The following GFM1 variants were observed in gnomAD, a reference collection of about 807,000 sequenced individuals.
GFM1 encodes G elongation factor mitochondrial 1.
A neutral mutation model predicts 96.2 loss-of-function variants in GFM1; 62 were observed. The ratio of observed to expected loss-of-function variants is 0.64; its 90% CI spans 0.53 to 0.80. The LOEUF is 0.80. GFM1 is among the 30% of genes least tolerant of loss of function. The pLI is 0.00. For synonymous variants in GFM1, 282 were observed against 312.9 expected (o/e 0.90, Z 1.04); for missense variants, 852 against 916.6 (o/e 0.93, Z 0.91).
intron 8 of GFM1, among the ~76,000 whole-genome samples, chr3:158,655,065 A>C (rs1438921786): frequency 6.6e-6 from 1 of 152,242 alleles, no homozygotes; most frequent in Non-Finnish European, 1.5e-5. Context: ...CATTGGGTCC[A>C]TTTCTAGAAA....
Position 158,644,593 on chromosome 3 carries a change from C to G in GFM1, c.-42C>G. The G allele has an allele frequency of 6.5e-7, 1 of 1,528,704 alleles. No homozygotes were observed. The highest frequency in any genetic ancestry group is 2.0e-5 in the Admixed American group (1 of 50,972). The allele number at this position is 1,528,704 out of a possible 1,614,324, so 94.7% of individuals were successfully genotyped here. A position where few individuals can be genotyped will look rare whatever the true frequency, so the allele number is the denominator to read the frequency against. On this transcript the variant is annotated 5_prime_UTR_variant, in exon 1 of 18. Transcript: ENST00000486715. ...CCGGTGCGTTACCGGCAGCTGAACC[C>G]ACCCGGCGCCACGGGACTTTGACGC...
chr3:158,646,798 AG>A lies in GFM1; in HGVS notation c.424del (p.Val142SerfsTer15), dbSNP rs886058120. 2.8e-5 allele frequency: 46 copies of A among 1,614,090 alleles called. No homozygotes were observed. Among genetic ancestry groups the A allele is most frequent in the Non-Finnish European group, 3.6e-5 (43 of 1,180,036 alleles). ...ERALRVLDGA[V>X]LVLCAVGGVQ... ...GGGCCCTGAGAGTGTTGGATGGTGC[AG>A]TCCTTGTTCTCTGTGCTGTTGGAGG... On this transcript the variant is annotated frameshift_variant, in exon 4 of 18. Coordinates refer to ENST00000486715, the MANE Select transcript of GFM1 (RefSeq NM_024996.7). LOFTEE classifies it high-confidence loss of function.
At chr3:158,648,270 C>A (rs149301511) in intron 4 of GFM1, among the ~76,000 whole-genome samples, 124 of 152,136 alleles carry the variant, frequency 8.2e-4, no homozygotes, top group African/African-American at 2.9e-3. Flanking sequence ...TTTGGTGATT[C>A]TTAGATCTTT....
chr3:158,667,849 A>G (rs921457336), intron 13 of GFM1, among the ~76,000 whole-genome samples: 1 of 152,224 alleles, frequency 6.6e-6, no homozygotes, highest in Non-Finnish European at 1.5e-5. Flanking sequence ...TAGTGAGTGT[A>G]GTTGTGTGAT....
chr3:158,675,074 G>A (rs1724755722), intron 13 of GFM1, among the ~76,000 whole-genome samples: 1 of 152,110 alleles, frequency 6.6e-6, no homozygotes, highest in South Asian at 2.1e-4. Context: ...GGGTCACGAG[G>A]TCAAGAGTTC....
In GFM1 at chr3:158,652,249, A is replaced by G; in HGVS notation, c.840+3A>G. On this transcript the variant is annotated splice_donor_region_variant and intron_variant, in intron 6 of 17. Coordinates refer to ENST00000486715, the MANE Select transcript of GFM1 (RefSeq NM_024996.7). Reference sequence around the variant, plus strand: ...TCCCCTCGATTTCTGATTTAAAGGCAAGTGCTTTCAAAATAAGTCTTATGT... The same window carrying G: ...TCCCCTCGATTTCTGATTTAAAGGCGAGTGCTTTCAAAATAAGTCTTATGT... 1 of 1,613,864 alleles carries G rather than the reference A, an allele frequency of 6.2e-7. No individual in the cohort carries two copies. The highest frequency in any genetic ancestry group is 1.7e-5 in the Admixed American group (1 of 60,024).
chr3:158,686,339 C>T (rs1384987447), intron 15 of GFM1, among the ~76,000 whole-genome samples: 1 of 146,962 alleles, frequency 6.8e-6, no homozygotes, highest in African/African-American at 2.5e-5. Context: ...GAAAAAGATA[C>T]ATATATAAAA....
At chr3:158,654,752 G>GT in intron 8 of GFM1, 121 bp downstream of exon 8, 1 of 722,366 alleles carries the variant, frequency 1.4e-6, no homozygotes, top group Non-Finnish European at 2.5e-6. Flanking sequence ...AAAGTAGAAA[G>GT]AGCAGGTAGA....
At chr3:158,651,854 T>A (rs996179888) in intron 5 of GFM1, among the ~76,000 whole-genome samples, 1 of 152,210 alleles carries the variant, frequency 6.6e-6, no homozygotes, top group African/African-American at 2.4e-5. Flanking sequence ...GTGGACTGTT[T>A]TAGCTCTTCC....
chr3:158,681,096 G>A (rs542362845), intron 13 of GFM1, among the ~76,000 whole-genome samples: 1 of 152,288 alleles, frequency 6.6e-6, no homozygotes, highest in East Asian at 1.9e-4. Flanking sequence ...TTGTAAGCTA[G>A]CATCTCCTAC....
chr3:158,646,940 C>T lies in GFM1; in HGVS notation c.565C>T (p.Gln189Ter). ...MGSNPARALQ[Q>*]MRSKLNHNAA... ...CTCCAACCCAGCCAGGGCCCTGCAG[C>T]AAATGAGGTAATGAGCCTTAGAATA... Residue 189 changes from glutamine to a stop codon, truncating the protein, a stop_gained, in exon 4 of 18, where the codon CAA becomes TAA. Coordinates refer to ENST00000486715, the MANE Select transcript of GFM1 (RefSeq NM_024996.7). LOFTEE classifies it high-confidence loss of function. The T allele has an allele frequency of 6.2e-7, 1 of 1,613,340 alleles. No individual in the cohort carries two copies. The highest frequency in any genetic ancestry group is 8.5e-7 in the Non-Finnish European group (1 of 1,179,326).
At chr3:158,655,078 T>C (rs1722633021) in intron 8 of GFM1, among the ~76,000 whole-genome samples, 1 of 152,358 alleles carries the variant, frequency 6.6e-6, no homozygotes, top group South Asian at 2.1e-4. Context: ...TCTAGAAATA[T>C]GTCCTAAGGA....
intron 4 of GFM1, 39 bp downstream of exon 4, chr3:158,646,986 C>G: frequency 6.8e-7 from 1 of 1,476,584 alleles, no homozygotes; most frequent in East Asian, 2.3e-5. Flanking sequence ...ATGTGATGAT[C>G]TAGACAGCAA....
intron 14 of GFM1, among the ~76,000 whole-genome samples, chr3:158,683,281 A>G (rs1438287315): frequency 2.0e-5 from 3 of 152,238 alleles, no homozygotes; most frequent in Admixed American, 1.3e-4. Flanking sequence ...TACAGCATAT[A>G]TAACTTACAG....
At chr3:158,663,004 TCTC>T (rs1021663187) in intron 11 of GFM1, among the ~76,000 whole-genome samples, 87 of 152,236 alleles carry the variant, frequency 5.7e-4, no homozygotes, top group Admixed American at 3.5e-3. Flanking sequence ...ATCGGGCACT[TCTC>T]CTAAGTTGTA....
chr3:158,649,722 C>T (rs1346626102), intron 5 of GFM1: 3 of 371,140 alleles, frequency 8.1e-6, no homozygotes, highest in Non-Finnish European at 1.5e-5. Flanking sequence ...CCTTTACCTA[C>T]AAAGTACTGT....
chr3:158,689,243 A>G (rs531678170), intron 15 of GFM1, among the ~76,000 whole-genome samples: 5 of 152,342 alleles, frequency 3.3e-5, no homozygotes, highest in Admixed American at 3.3e-4. Flanking sequence ...AAATACAGAC[A>G]CACTGAGTTT....
intron 4 of GFM1, among the ~76,000 whole-genome samples, chr3:158,647,379 A>C (rs1560127994): frequency 6.6e-6 from 1 of 152,238 alleles, no homozygotes; most frequent in Non-Finnish European, 1.5e-5. Context: ...TTTCAGACGG[A>C]AACATATTTT....
intron 13 of GFM1, chr3:158,669,014 AATTTTTACCATTTTATACC>A: frequency 6.2e-7 from 1 of 1,611,806 alleles, no homozygotes; most frequent in South Asian, 1.1e-5. Context: ...TGACAGTTTG[AATTTTTACCATTTTATACC>A]ATGTGTCTTC....
Sources: gnomAD v4.1 joint callset for allele counts (sites outside exome capture counted in the v4.1 genomes callset) on GRCh38, gnomAD v4.1.1 for gene constraint, MANE v1.5 for transcripts, NCBI Gene and HGNC (gene_info 2026-07-23, HGNC 2026-07-21) for gene names.